SDK1: variants seen among roughly 807,000 people sequenced by gnomAD.
The protein encoded by SDK1 is sidekick cell adhesion molecule 1.
Under a neutral mutation model 245.5 loss-of-function variants are expected in SDK1, and 157 were observed. The ratio of observed to expected loss-of-function variants is 0.64; its 90% CI spans 0.56 to 0.73. The LOEUF (loss-of-function observed/expected upper bound fraction) is 0.73, where lower values mean the gene tolerates loss of function less well. Among genes scored for constraint, SDK1 ranks in the 30% least tolerant of loss-of-function variants. The pLI, the probability that SDK1 is intolerant of heterozygous loss-of-function variation, is 0.00. For synonymous variants in SDK1, 1,647 were observed against 1,278.5 expected, an observed-to-expected ratio of 1.29 and a Z score of -6.15; for missense variants, 3,583 against 3,002.3, an observed-to-expected ratio of 1.19 and a Z score of -4.52.
intron 1 of SDK1, among the ~76,000 whole-genome samples, chr7:3,367,150 T>G (rs1051216011): frequency 6.7e-6 from 1 of 149,052 alleles, no homozygotes. Context: ...AATTTTATTT[T>G]ATTTATTTAT....
intron 43 of SDK1, 119 bp from the exon 44 acceptor site, chr7:4,245,557 C>A: frequency 1.6e-6 from 2 of 1,220,842 alleles, no homozygotes; most frequent in Non-Finnish European, 1.1e-6. Context: ...AAAGTGATGT[C>A]AAAGGCTGTG....
chr7:3,301,951 CGA>C lies in SDK1; in HGVS notation c.298+71_298+72del. On this transcript the variant is annotated intron_variant, in intron 1 of 44. Transcript: ENST00000404826. ...GGCGCGGAGGCGCGAACTTGAGCAG[CGA>C]GAGTGTGTCCGGGGTCCCCCCGCTT... The C allele has an allele frequency of 4.8e-6, 5 of 1,050,166 alleles. 1 individual carries two copies. Among genetic ancestry groups the C allele is most frequent in the Non-Finnish European group, 5.8e-6 (5 of 867,214 alleles). 65.1% of individuals were successfully genotyped at this position (1,050,166 alleles called of 1,614,324 possible).
At chr7:3,452,363 T>G (rs1040654095) in intron 1 of SDK1, among the ~76,000 whole-genome samples, 21 of 152,198 alleles carry the variant, frequency 1.4e-4, no homozygotes, top group Admixed American at 3.9e-4. Flanking sequence ...TACTAGAAAC[T>G]GACAGGTTGT....
chr7:4,059,037 A>C (rs1455940137), intron 19 of SDK1, among the ~76,000 whole-genome samples: 1 of 152,234 alleles, frequency 6.6e-6, no homozygotes, highest in African/African-American at 2.4e-5. Context: ...AGGATATATA[A>C]ACCAACCAGA....
At chr7:3,673,467 C>A (rs1273552713) in intron 4 of SDK1, among the ~76,000 whole-genome samples, 1 of 152,122 alleles carries the variant, frequency 6.6e-6, no homozygotes, top group Non-Finnish European at 1.5e-5. Context: ...ATGTGAGAAC[C>A]TTAAAACTCA....
intron 4 of SDK1, among the ~76,000 whole-genome samples, chr7:3,654,117 G>C (rs956853112): frequency 3.9e-5 from 6 of 152,078 alleles, no homozygotes; most frequent in Non-Finnish European, 5.9e-5. Flanking sequence ...CTGGTGTAGA[G>C]AATATGCTGG....
intron 4 of SDK1, among the ~76,000 whole-genome samples, chr7:3,671,778 A>G (rs530314898): frequency 6.6e-6 from 1 of 152,350 alleles, no homozygotes; most frequent in Admixed American, 6.5e-5. Flanking sequence ...GATTAAAAAG[A>G]AATTAAGAGC....
chr7:3,836,430 C>T (rs185349627), intron 5 of SDK1, among the ~76,000 whole-genome samples: 5 of 152,132 alleles, frequency 3.3e-5, no homozygotes, highest in African/African-American at 1.2e-4. Flanking sequence ...AATTCATTGA[C>T]TCAAGATGTA....
chr7:3,978,006 A>T (rs1260158051), intron 13 of SDK1, among the ~76,000 whole-genome samples: 1 of 151,992 alleles, frequency 6.6e-6, no homozygotes, highest in Non-Finnish European at 1.5e-5. Context: ...GTTCTACCAA[A>T]ACCCAAACAG....
intron 4 of SDK1, among the ~76,000 whole-genome samples, chr7:3,768,553 A>G (rs897477582): frequency 6.6e-6 from 1 of 152,234 alleles, no homozygotes; most frequent in Non-Finnish European, 1.5e-5. Context: ...TAGTGCAGGC[A>G]TGTGCTTTAC....
intron 1 of SDK1, among the ~76,000 whole-genome samples, chr7:3,375,681 A>AG (rs1466938738): frequency 6.6e-6 from 1 of 152,174 alleles, no homozygotes; most frequent in Non-Finnish European, 1.5e-5. Flanking sequence ...AGAGGAACTG[A>AG]GGCCTTGGTC....
intron 5 of SDK1, among the ~76,000 whole-genome samples, chr7:3,880,391 G>A (rs1050565326): frequency 6.6e-6 from 1 of 152,158 alleles, no homozygotes; most frequent in Non-Finnish European, 1.5e-5. Context: ...GCAACACAGC[G>A]AGAACCAGCA....
chr7:3,821,158 G>C (rs757314180), intron 4 of SDK1, among the ~76,000 whole-genome samples: 2 of 152,182 alleles, frequency 1.3e-5, no homozygotes, highest in Non-Finnish European at 2.9e-5. Context: ...GAGTTTTAAT[G>C]AACTCTGGAT....
intron 5 of SDK1, among the ~76,000 whole-genome samples, chr7:3,906,480 C>T (rs1288533495): frequency 1.3e-5 from 2 of 151,912 alleles, no homozygotes; most frequent in Non-Finnish European, 2.9e-5. Flanking sequence ...CGCTCATGCT[C>T]CCTGAACTGT....
intron 5 of SDK1, among the ~76,000 whole-genome samples, chr7:3,925,152 T>C (rs925353138): frequency 6.6e-6 from 1 of 152,170 alleles, no homozygotes; most frequent in Non-Finnish European, 1.5e-5. Flanking sequence ...GCCCCAGAGC[T>C]GTCCCACAGC....
Position 3,592,803 on chromosome 7 carries a change from A to G in SDK1, c.299-26277A>G, listed in dbSNP as rs569214490. ...TGCTCAGATTGCCACACCTTAACAT[A>G]TGATCTGATTATTAGGAAGTATATG... is the stretch of plus-strand genomic sequence containing the variant. On this transcript the variant is annotated intron_variant, in intron 1 of 44. Coordinates refer to ENST00000404826, the MANE Select transcript of SDK1 (RefSeq NM_152744.4). 3.9e-5 allele frequency among the ~76,000 whole-genome samples: 6 copies of G among 152,322 alleles called. No individual in the cohort carries two copies. The South Asian group carries it at 1.2e-3, about 32-fold the overall frequency.
chr7:3,373,115 A>G (rs1781268094), intron 1 of SDK1, among the ~76,000 whole-genome samples: 1 of 152,222 alleles, frequency 6.6e-6, no homozygotes, highest in East Asian at 1.9e-4. Context: ...ATGTCCTTAT[A>G]AACTGATAAG....
Position 3,301,296 on chromosome 7 carries a change from T to TCCTCCGCGCCCGGCGGACC in SDK1, c.-286_-268dup, listed in dbSNP as rs1217112408. Among the ~76,000 whole-genome samples the TCCTCCGCGCCCGGCGGACC allele has an allele frequency of 7.4e-6, 1 of 134,398 alleles. No homozygotes were observed. Among genetic ancestry groups the TCCTCCGCGCCCGGCGGACC allele is most frequent in the African/African-American group, 2.8e-5 (1 of 36,010 alleles). The allele number at this position is 134,398 out of a possible 152,430, so 88.2% of individuals were successfully genotyped here. On this transcript the variant is annotated 5_prime_UTR_variant, in exon 1 of 45. Transcript: ENST00000404826. ...GGGCGGGGGCGGCGGCGGCGGCGGC[T>TCCTCCGCGCCCGGCGGACC]CCTCCGCGCCCGGCGGACCCCTCGG...
rs112017816 is a variant in SDK1 at position 3,338,768 on chromosome 7, A to G, written c.298+36884A>G. Among the ~76,000 whole-genome samples, 288 of 152,250 alleles carry G rather than the reference A, an allele frequency of 1.9e-3. 1 individual carries two copies. The highest frequency in any genetic ancestry group is 6.6e-3 in the African/African-American group (275 of 41,536). On this transcript the variant is annotated intron_variant, in intron 1 of 44. Transcript: ENST00000404826. ...TGCTTGTGCTGGTAAAAATGTTGAT[A>G]CCGGTAGAGTGTGATAAGTTACATA...
Sources: gnomAD v4.1 joint callset for allele counts (sites outside exome capture counted in the v4.1 genomes callset) on GRCh38, gnomAD v4.1.1 for gene constraint, MANE v1.5 for transcripts, NCBI Gene and HGNC (gene_info 2026-07-23, HGNC 2026-07-21) for gene names.